PPFIA1: variants seen among roughly 807,000 people sequenced by gnomAD.
The protein encoded by PPFIA1 is liprin-alpha-1.
A neutral mutation model predicts 149.9 loss-of-function variants in PPFIA1; 25 were observed. The observed-to-expected ratio is 0.17, with a 90% confidence interval of 0.12 to 0.23. The LOEUF is 0.23. Among genes scored for constraint, PPFIA1 ranks in the 10% least tolerant of loss-of-function variants. PPFIA1 has a pLI of 1.00. For missense variants in PPFIA1, 1,362 were observed against 1,506.5 expected, an observed-to-expected ratio of 0.90 and a Z score of 1.59; for synonymous variants, 549 against 552.8, an observed-to-expected ratio of 0.99 and a Z score of 0.10.
intron 15 of PPFIA1, among the ~76,000 whole-genome samples, chr11:70,347,386 G>A (rs1003440152): frequency 1.3e-5 from 2 of 152,144 alleles, no homozygotes; most frequent in African/African-American, 2.4e-5. Context: ...ACTTTTTGTT[G>A]TTGTAAGATG....
chr11:70,380,560 GAGC>G (rs986333259), intron 26 of PPFIA1, among the ~76,000 whole-genome samples: 3 of 150,920 alleles, frequency 2.0e-5, no homozygotes, highest in Admixed American at 2.0e-4. Flanking sequence ...CTGGGCGACA[GAGC>G]AGGACTGTCT....
chr11:70,288,974 T>A (rs1346307198), intron 2 of PPFIA1, among the ~76,000 whole-genome samples: 2 of 150,896 alleles, frequency 1.3e-5, no homozygotes, highest in Admixed American at 1.3e-4. Flanking sequence ...GTTGTTTTTT[T>A]TTTTTTTTTT....
chr11:70,365,468 A>G (rs670310), intron 21 of PPFIA1: 181,938 of 456,196 alleles, frequency 0.4, 40,343 homozygotes, highest in African/African-American at 0.72. Flanking sequence ...CACTCCTCCC[A>G]GCGCGTTTTC....
At chr11:70,284,937 C>T (rs555636404) in intron 2 of PPFIA1, among the ~76,000 whole-genome samples, 2 of 152,192 alleles carry the variant, frequency 1.3e-5, no homozygotes, top group East Asian at 1.9e-4. Flanking sequence ...CAGTACTTTG[C>T]GTGCATCGTG....
intron 2 of PPFIA1, chr11:70,320,130 C>T (rs1348565874): frequency 3.9e-5 from 6 of 152,232 alleles, no homozygotes; most frequent in Admixed American, 6.5e-5. Flanking sequence ...AGAACTGTAA[C>T]GTCCGATCGA....
chr11:70,328,141 T>C (rs2054433627), intron 7 of PPFIA1, among the ~76,000 whole-genome samples: 1 of 152,064 alleles, frequency 6.6e-6, no homozygotes, highest in African/African-American at 2.4e-5. Flanking sequence ...ATAAGTAAAC[T>C]TGTGTCCTGG....
At chr11:70,380,756 C>T (rs1052252951) in intron 26 of PPFIA1, among the ~76,000 whole-genome samples, 1 of 150,798 alleles carries the variant, frequency 6.6e-6, no homozygotes, top group Non-Finnish European at 1.5e-5. Flanking sequence ...AAAAAGTAAA[C>T]CTAAAAGGTA....
chr11:70,308,905 A>G (rs2053066739), intron 2 of PPFIA1, among the ~76,000 whole-genome samples: 1 of 152,196 alleles, frequency 6.6e-6, no homozygotes, highest in African/African-American at 2.4e-5. Context: ...TCTGGGTGAC[A>G]GGGCGAGACT....
chr11:70,348,151 C>T (rs2055831574), intron 15 of PPFIA1, 38 bp from the exon 16 acceptor site: 2 of 1,586,228 alleles, frequency 1.3e-6, no homozygotes, highest in African/African-American at 2.7e-5. Context: ...AATCTGTTTG[C>T]CGAAACAGGA....
chr11:70,339,514 G>A (rs1012888969), intron 14 of PPFIA1, among the ~76,000 whole-genome samples: 1 of 151,962 alleles, frequency 6.6e-6, no homozygotes, highest in African/African-American at 2.4e-5. Flanking sequence ...TAAAGAGGTA[G>A]GGTCTGTGTT....
intron 2 of PPFIA1, among the ~76,000 whole-genome samples, chr11:70,312,137 C>G (rs2053325044): frequency 6.6e-6 from 1 of 151,968 alleles, no homozygotes; most frequent in Non-Finnish European, 1.5e-5. Flanking sequence ...AGCCACCACT[C>G]CTGGCCGTGA....
chr11:70,337,241 G>A, intron 11 of PPFIA1, 124 bp from the exon 12 acceptor site: 2 of 599,528 alleles, frequency 3.3e-6, no homozygotes, highest in Non-Finnish European at 5.6e-6. Context: ...AGCAGTGCTT[G>A]CTGGTGTGCT....
At chr11:70,346,145 C>T (rs747578164) in intron 15 of PPFIA1, 24 of 324,748 alleles carry the variant, frequency 7.4e-5, no homozygotes, top group African/African-American at 1.3e-4. Context: ...ATGAAGAGAC[C>T]GGTAAACCCT....
chr11:70,372,131 T>C (rs542318345), intron 21 of PPFIA1, 84 bp from the exon 22 acceptor site: 8 of 1,229,706 alleles, frequency 6.5e-6, no homozygotes, highest in African/African-American at 1.5e-5. Flanking sequence ...ATATAGGTAA[T>C]AGATTAAAAA....
intron 2 of PPFIA1, among the ~76,000 whole-genome samples, chr11:70,301,962 G>A (rs968544307): frequency 2.6e-5 from 4 of 152,224 alleles, no homozygotes; most frequent in Non-Finnish European, 5.9e-5. Context: ...GCTTTGCTCG[G>A]TTCCTTGTTG....
Position 70,382,910 on chromosome 11 carries a change from G to A in PPFIA1, c.*13-93G>A, listed in dbSNP as rs185128410. 542 of 348,424 alleles carry A rather than the reference G, an allele frequency of 1.6e-3. 2 individuals are homozygous for A. Among genetic ancestry groups the A allele is most frequent in the African/African-American group, 0.011 (490 of 43,158 alleles). The allele number at this position is 348,424 out of a possible 1,614,324, so 21.6% of individuals were successfully genotyped here. On this transcript the variant is annotated intron_variant, in intron 27 of 27. Coordinates refer to ENST00000253925, the MANE Select transcript of PPFIA1 (RefSeq NM_003626.5). ...GTCCTGGAGGGGAGGGGTCAGTGTC[G>A]GGGGGACGTTTGGGCCCCAGCATCA...
chr11:70,381,095 C>T (rs1364307396), intron 26 of PPFIA1: 1 of 152,156 alleles, frequency 6.6e-6, no homozygotes, highest in Non-Finnish European at 1.5e-5. Context: ...CCACCGTGCC[C>T]AGCAAAGTTG....
chr11:70,344,071 T>C (rs1376715714), intron 15 of PPFIA1, among the ~76,000 whole-genome samples, 179 bp downstream of exon 15: 1 of 152,244 alleles, frequency 6.6e-6, no homozygotes, highest in Admixed American at 6.5e-5. Context: ...GAATATAAAA[T>C]TCAGGTAACC....
At chr11:70,352,088 A>C (rs1029745685) in intron 16 of PPFIA1, among the ~76,000 whole-genome samples, 2 of 152,180 alleles carry the variant, frequency 1.3e-5, no homozygotes, top group African/African-American at 4.8e-5. Flanking sequence ...ACAGCTCTTC[A>C]GAGATACCTA....
Sources: allele counts gnomAD v4.1 joint callset (sites outside exome capture counted in the v4.1 genomes callset), GRCh38; gene constraint gnomAD v4.1.1; transcripts MANE v1.5; gene names NCBI Gene and HGNC (gene_info 2026-07-23, HGNC 2026-07-21).